Variants in EPHA3 observed in about 807,000 individuals in gnomAD.
The protein encoded by EPHA3 is EPH receptor A3.
Under a neutral mutation model 107.1 loss-of-function variants are expected in EPHA3, and 42 were observed. That is an observed-to-expected ratio of 0.39 (90% CI 0.31 to 0.51). The LOEUF is 0.51. Among genes scored for constraint, EPHA3 ranks in the 20% least tolerant of loss-of-function variants. The pLI is 0.78. For synonymous variants in EPHA3, 461 were observed against 424.8 expected (o/e 1.09, Z -1.05); for missense variants, 1,183 against 1,211.2 (o/e 0.98, Z 0.35).
intron 4 of EPHA3, 83 bp downstream of exon 4, chr3:89,341,154 C>T: frequency 7.1e-7 from 1 of 1,399,660 alleles, no homozygotes; most frequent in Non-Finnish European, 9.6e-7. Flanking sequence ...TGTTTTAAAG[C>T]ATTTGGCCCA....
At chr3:89,230,803 CT>C (rs1327146959) in intron 3 of EPHA3, among the ~76,000 whole-genome samples, 128 of 140,462 alleles carry the variant, frequency 9.1e-4, no homozygotes, top group Middle Eastern at 3.6e-3. Context: ...CTCTCTCTCT[CT>C]CCCTCTCTCT....
chr3:89,177,026 A>C (rs1305396081), intron 2 of EPHA3, among the ~76,000 whole-genome samples: 1 of 152,110 alleles, frequency 6.6e-6, no homozygotes, highest in Non-Finnish European at 1.5e-5. Context: ...ACTAATTTGC[A>C]AAACCAAACG....
intron 2 of EPHA3, among the ~76,000 whole-genome samples, chr3:89,193,847 A>T (rs1350565044): frequency 6.6e-6 from 1 of 152,076 alleles, no homozygotes; most frequent in East Asian, 1.9e-4. Context: ...TGAACATGTT[A>T]TATGAATAGT....
intron 5 of EPHA3, among the ~76,000 whole-genome samples, chr3:89,365,499 T>G (rs972453001): frequency 6.6e-6 from 1 of 150,678 alleles, no homozygotes; most frequent in African/African-American, 2.4e-5. Flanking sequence ...TCACCTTGGT[T>G]TGATTTTCCA....
At chr3:89,273,801 C>T (rs556928311) in intron 3 of EPHA3, among the ~76,000 whole-genome samples, 6 of 151,954 alleles carry the variant, frequency 3.9e-5, no homozygotes, top group African/African-American at 1.4e-4. Flanking sequence ...CAATAGCATG[C>T]AACTACTGCC....
At chr3:89,268,419 A>G (rs901278320) in intron 3 of EPHA3, among the ~76,000 whole-genome samples, 4 of 152,142 alleles carry the variant, frequency 2.6e-5, no homozygotes, top group African/African-American at 9.6e-5. Context: ...CGCTCATCTT[A>G]AAGAAGTTCA....
chr3:89,208,462 G>GACAGAAAGAA lies in EPHA3; in HGVS notation c.154-1397_154-1396insCAGAAAGAAA, dbSNP rs1553664806. Reference sequence around the variant, plus strand: ...AGAAAGAAAGAAAGAAAGAAAGAAAGAAAGAAAGAAAGAAAGAAAGAGAAA... The same window carrying GACAGAAAGAA: ...AGAAAGAAAGAAAGAAAGAAAGAAAGACAGAAAGAAAAAGAAAGAAAGAAAGAAAGAGAAA... On this transcript the variant is annotated intron_variant, in intron 2 of 16. Transcript: ENST00000336596. Among the ~76,000 whole-genome samples, 8 of 104,504 alleles carry GACAGAAAGAA rather than the reference G, an allele frequency of 7.7e-5. 1 individual carries two copies. Among genetic ancestry groups the GACAGAAAGAA allele is most frequent in the African/African-American group, 3.8e-4 (8 of 21,088 alleles). 68.6% of individuals were successfully genotyped at this position (104,504 alleles called of 152,430 possible).
intron 13 of EPHA3, among the ~76,000 whole-genome samples, chr3:89,445,980 A>G (rs553840002): frequency 4.0e-5 from 6 of 151,646 alleles, no homozygotes; most frequent in Admixed American, 2.6e-4. Context: ...TAACAATAAT[A>G]TGTGTGTGTG....
chr3:89,297,275 C>A lies in EPHA3; in HGVS notation c.815-43641C>A, dbSNP rs77267808. Among the ~76,000 whole-genome samples the A allele has an allele frequency of 6.4e-4, 97 of 152,266 alleles. 1 individual carries two copies. In the East Asian group the frequency reaches 0.018, roughly 29 times the overall value. ...GGCTTTTACACTCTTCCTCACTGAG[C>A]TTAATCATTCTAGTTTTTGATTTAA... On this transcript the variant is annotated intron_variant, in intron 3 of 16. Transcript: ENST00000336596.
At chr3:89,302,918 G>T (rs536716300) in intron 3 of EPHA3, among the ~76,000 whole-genome samples, 1 of 151,774 alleles carries the variant, frequency 6.6e-6, no homozygotes, top group Admixed American at 6.6e-5. Flanking sequence ...TTTGAGACAG[G>T]GTCTCACTCT....
intron 2 of EPHA3, among the ~76,000 whole-genome samples, chr3:89,162,729 G>A (rs13089469): frequency 0.11 from 17,127 of 152,216 alleles, 992 homozygotes; most frequent in Middle Eastern, 0.18. Flanking sequence ...CCTGCATGCT[G>A]GAACTGAGAG....
intron 3 of EPHA3, among the ~76,000 whole-genome samples, chr3:89,313,167 C>T (rs530106156): frequency 1.2e-4 from 18 of 151,918 alleles, no homozygotes; most frequent in Admixed American, 7.9e-4. Flanking sequence ...TTTTATTTTA[C>T]AATATGCATA....
intron 5 of EPHA3, among the ~76,000 whole-genome samples, chr3:89,376,750 C>A (rs921155952): frequency 8.6e-5 from 13 of 152,016 alleles, no homozygotes; most frequent in Admixed American, 7.9e-4. Flanking sequence ...TTCACAGCAG[C>A]CACTCTTGGG....
chr3:89,354,454 AG>A (rs1193487989), intron 5 of EPHA3, among the ~76,000 whole-genome samples: 1 of 151,162 alleles, frequency 6.6e-6, no homozygotes, highest in East Asian at 1.9e-4. Flanking sequence ...CTATCAATAT[AG>A]TACCAGTGTT....
intron 15 of EPHA3, among the ~76,000 whole-genome samples, chr3:89,460,823 CT>C (rs753656853): frequency 0.028 from 2,929 of 102,968 alleles, 124 homozygotes; most frequent in African/African-American, 0.058. Flanking sequence ...CTCTGTCTCT[CT>C]TTTTTTTTTT....
At chr3:89,188,835 T>C (rs1705636778) in intron 2 of EPHA3, among the ~76,000 whole-genome samples, 1 of 152,182 alleles carries the variant, frequency 6.6e-6, no homozygotes, top group Non-Finnish European at 1.5e-5. Context: ...CCCTCTACCC[T>C]CCTTCATTCT....
At chr3:89,378,117 T>G (rs918362151) in intron 5 of EPHA3, among the ~76,000 whole-genome samples, 20 of 151,776 alleles carry the variant, frequency 1.3e-4, no homozygotes, top group African/African-American at 4.4e-4. Flanking sequence ...TGTCACAGGG[T>G]GGGGGACTAG....
Position 89,419,354 on chromosome 3 carries a change from C to T in EPHA3, c.2038C>T (p.Pro680Ser). Reference protein sequence around the residue: ...EASIMGQFDHPNIIRLEGVVT... With the variant: ...EASIMGQFDHSNIIRLEGVVT... ...AAGCATTATGGGACAGTTTGACCAC[C>T]CCAATATCATTCGACTGGAAGGAGT... The change falls in exon 11 of 17, where the codon CCC becomes TCC. Residue 680 changes from proline to serine, a missense_variant. Pro to Ser is a moderately conservative substitution (Grantham distance 74). Transcript: ENST00000336596. The T allele has an allele frequency of 6.2e-7, 1 of 1,603,772 alleles. No individual in the cohort carries two copies. Among genetic ancestry groups the T allele is most frequent in the Non-Finnish European group, 8.5e-7 (1 of 1,175,720 alleles).
chr3:89,272,253 A>G (rs940892988), intron 3 of EPHA3, among the ~76,000 whole-genome samples: 6 of 151,130 alleles, frequency 4.0e-5, no homozygotes, highest in African/African-American at 1.5e-4. Context: ...CAACCGTACT[A>G]CCATTTTTTT....
Sources: allele counts gnomAD v4.1 joint callset (sites outside exome capture counted in the v4.1 genomes callset), GRCh38; gene constraint gnomAD v4.1.1; transcripts MANE v1.5; gene names NCBI Gene and HGNC (gene_info 2026-07-23, HGNC 2026-07-21).